The following PLCG2 variants were observed in gnomAD, a reference collection of about 807,000 sequenced individuals.
The protein encoded by PLCG2 is phospholipase C gamma 2.
A neutral mutation model predicts 175.6 loss-of-function variants in PLCG2; 69 were observed. The ratio of observed to expected loss-of-function variants is 0.39; its 90% confidence interval spans 0.32 to 0.48. The LOEUF (loss-of-function observed/expected upper bound fraction) is 0.48, where lower values mean the gene tolerates loss of function less well. PLCG2 is among the 20% of genes least tolerant of loss of function. The pLI is 0.91. For missense variants in PLCG2, 1,798 were observed against 1,650.9 expected (o/e 1.09, Z -1.54); for synonymous variants, 827 against 624.0 (o/e 1.33, Z -4.85).
chr16:81,820,268 C>T (rs1239933623), intron 2 of PLCG2, among the ~76,000 whole-genome samples: 2 of 152,206 alleles, frequency 1.3e-5, no homozygotes, highest in Non-Finnish European at 2.9e-5. Context: ...CACCTTCCAT[C>T]GCAGGAGAGA....
chr16:81,806,218 C>A (rs1273044674), intron 2 of PLCG2, among the ~76,000 whole-genome samples: 2 of 151,934 alleles, frequency 1.3e-5, no homozygotes, highest in Non-Finnish European at 2.9e-5. Flanking sequence ...TATTGGATAG[C>A]ACAGATCTAG....
In PLCG2 at chr16:81,919,510, G is replaced by T. The variant is rs1336595726; in HGVS notation, c.2081G>T (p.Arg694Leu). 1 of 1,613,876 alleles carries T rather than the reference G, an allele frequency of 6.2e-7. No individual in the cohort carries two copies. Among genetic ancestry groups the T allele is most frequent in the Non-Finnish European group, 8.5e-7 (1 of 1,179,960 alleles). ...FRARGKVKHC[R>L]INRDGRHFVL... ...GCTAGGGGCAAGGTAAAGCATTGTC[G>T]CATCAACCGGGACGGCCGGCACTTT... is the stretch of plus-strand genomic sequence containing the variant. Residue 694 changes from arginine to leucine, a missense_variant, in exon 20 of 33, where the codon CGC becomes CTC. Transcript: ENST00000564138.
intron 5 of PLCG2, among the ~76,000 whole-genome samples, chr16:81,863,295 A>G (rs191637645): frequency 6.6e-6 from 1 of 152,390 alleles, no homozygotes; most frequent in East Asian, 1.9e-4. Flanking sequence ...GTGGACTAGC[A>G]GAATATTTGT....
intron 2 of PLCG2, among the ~76,000 whole-genome samples, chr16:81,840,932 G>C (rs1284232516): frequency 6.6e-6 from 1 of 152,204 alleles, no homozygotes; most frequent in Non-Finnish European, 1.5e-5. Flanking sequence ...CTCCCTTGGG[G>C]ATGGGGAGTC....
intron 2 of PLCG2, 66 bp from the exon 3 acceptor site, chr16:81,854,378 G>T: frequency 6.9e-6 from 10 of 1,457,504 alleles, no homozygotes; most frequent in Non-Finnish European, 9.6e-6. Flanking sequence ...GGCTGCAGTT[G>T]TGTGGCTGCA....
chr16:81,754,285 C>T (rs1435445320), intron 1 of PLCG2, among the ~76,000 whole-genome samples: 1 of 133,258 alleles, frequency 7.5e-6, no homozygotes, highest in Non-Finnish European at 1.6e-5. Flanking sequence ...TCCCTCCCCT[C>T]CCCACCTCCT....
rs745912221 is a variant in PLCG2, at chr16:81,921,273, C to T, written c.2307+4C>T. 36 of 1,590,238 alleles carry T rather than the reference C, an allele frequency of 2.3e-5. No individual in the cohort carries two copies. The highest frequency in any genetic ancestry group is 1.2e-4 in the South Asian group (11 of 90,608). On this transcript the variant is annotated splice_donor_region_variant and intron_variant, in intron 21 of 32. Coordinates refer to ENST00000564138, the MANE Select transcript of PLCG2 (RefSeq NM_002661.5). ...CAGTGAAATCAATCCGTCCATGGTA[C>T]GGTGCCGAACCTCCAATTCACATGA...
chr16:81,870,769 AC>A, intron 6 of PLCG2, 82 bp from the exon 7 acceptor site: 1 of 698,082 alleles, frequency 1.4e-6, no homozygotes, highest in South Asian at 2.0e-5. Flanking sequence ...CATTTCTGAA[AC>A]AAAAATTATT....
At chr16:81,946,864 G>T (rs919709026) in intron 31 of PLCG2, among the ~76,000 whole-genome samples, 9 of 151,798 alleles carry the variant, frequency 5.9e-5, no homozygotes, top group African/African-American at 2.2e-4. Flanking sequence ...TTTAGCAGAA[G>T]CCTTAAACCA....
chr16:81,782,877 C>A (rs533646951), intron 1 of PLCG2, among the ~76,000 whole-genome samples: 4 of 152,340 alleles, frequency 2.6e-5, no homozygotes, highest in Non-Finnish European at 1.5e-5. Context: ...ACAGTGTTTT[C>A]AAAGGAACGG....
intron 19 of PLCG2, among the ~76,000 whole-genome samples, chr16:81,918,891 C>G (rs924808065): frequency 1.1e-3 from 124 of 115,542 alleles, no homozygotes; most frequent in Non-Finnish European, 1.7e-3. Flanking sequence ...GAATGAAAGA[C>G]TTGTTTCTTT....
intron 7 of PLCG2, among the ~76,000 whole-genome samples, chr16:81,875,625 C>G (rs1907743985): frequency 1.3e-5 from 2 of 152,228 alleles, no homozygotes; most frequent in Non-Finnish European, 2.9e-5. Flanking sequence ...AGACATCAAG[C>G]AGCGTATCAG....
chr16:81,768,579 T>TG (rs1378084875), intron 2 of PLCG2, among the ~76,000 whole-genome samples: 1 of 142,724 alleles, frequency 7.0e-6, no homozygotes, highest in African/African-American at 2.7e-5. Flanking sequence ...TTTTTTTTTT[T>TG]CCCGAGATGG....
intron 9 of PLCG2, among the ~76,000 whole-genome samples, chr16:81,885,352 C>A (rs967960166): frequency 1.3e-5 from 2 of 152,016 alleles, no homozygotes; most frequent in Admixed American, 1.3e-4. Context: ...TTAGTAGAAA[C>A]AGGATTTCCC....
intron 9 of PLCG2, 79 bp downstream of exon 9, chr16:81,883,420 G>T: frequency 8.5e-7 from 1 of 1,180,854 alleles, no homozygotes. Context: ...TCTGCCGCCT[G>T]TGCTCACCTG....
intron 2 of PLCG2, among the ~76,000 whole-genome samples, chr16:81,808,759 C>G (rs1904293918): frequency 6.6e-6 from 1 of 152,194 alleles, no homozygotes; most frequent in African/African-American, 2.4e-5. Flanking sequence ...TCCCAAAGTG[C>G]TGGGATTACA....
At position 81,925,291 on chromosome 16, in the gene PLCG2, C is replaced by G. The variant is rs574706658; in HGVS notation, c.2417+1697C>G. On this transcript the variant is annotated intron_variant, in intron 22 of 32. Transcript: ENST00000564138. Reference sequence around the variant, plus strand: ...TGAAACCGGCTTTTTTGCATACTTCCAAACTGGTTCCCTGTAGCTAGGGGA... The same window carrying G: ...TGAAACCGGCTTTTTTGCATACTTCGAAACTGGTTCCCTGTAGCTAGGGGA... 7.9e-5 allele frequency among the ~76,000 whole-genome samples: 12 copies of G among 152,272 alleles called. No individual in the cohort carries two copies. The East Asian group carries it at 2.1e-3, about 27-fold the overall frequency.
At chr16:81,848,739 G>A (rs1597353006) in intron 2 of PLCG2, among the ~76,000 whole-genome samples, 1 of 152,336 alleles carries the variant, frequency 6.6e-6, no homozygotes, top group East Asian at 1.9e-4. Flanking sequence ...TACTCTGATA[G>A]GGGTGGAGCT....
intron 2 of PLCG2, among the ~76,000 whole-genome samples, chr16:81,765,291 C>A (rs984587659): frequency 6.6e-6 from 1 of 152,358 alleles, no homozygotes; most frequent in South Asian, 2.1e-4. Context: ...CCACCCAAAG[C>A]TTGGAGAGAG....
Sources: gnomAD v4.1 joint callset for allele counts (sites outside exome capture counted in the v4.1 genomes callset) on GRCh38, gnomAD v4.1.1 for gene constraint, MANE v1.5 for transcripts, NCBI Gene and HGNC (gene_info 2026-07-23, HGNC 2026-07-21) for gene names.